The following RASEF variants were observed in gnomAD, a reference collection of about 807,000 sequenced individuals.
The protein encoded by RASEF is RAS and EF-hand domain containing, also known as ras and EF-hand domain-containing protein.
RASEF carries 68 observed loss-of-function variants against 90.1 expected under a neutral mutation model. The ratio of observed to expected loss-of-function variants is 0.75; its 90% confidence interval spans 0.62 to 0.92. RASEF has a LOEUF of 0.92. Among genes scored for constraint, RASEF ranks in the 40% least tolerant of loss-of-function variants. RASEF has a pLI of 0.00. For synonymous variants in RASEF, 331 were observed against 345.2 expected (o/e 0.96, Z 0.46); for missense variants, 949 against 937.2 (o/e 1.01, Z -0.16).
chr9:83,007,106 A>AAAC (rs1407473061), intron 7 of RASEF, among the ~76,000 whole-genome samples: 11 of 151,526 alleles, frequency 7.3e-5, no homozygotes, highest in African/African-American at 2.7e-4. Context: ...AAAAAAAAAA[A>AAAC]AAAACTCACG....
intron 15 of RASEF, among the ~76,000 whole-genome samples, chr9:82,991,601 T>C (rs1444608430): frequency 6.6e-6 from 1 of 152,150 alleles, no homozygotes; most frequent in Non-Finnish European, 1.5e-5. Flanking sequence ...CCTTTACTCG[T>C]AAGCCCACAA....
At chr9:82,991,735 G>C (rs1828819297) in intron 15 of RASEF, among the ~76,000 whole-genome samples, 1 of 152,204 alleles carries the variant, frequency 6.6e-6, no homozygotes, top group Non-Finnish European at 1.5e-5. Flanking sequence ...TGAGGATGCA[G>C]GACTGTGGAG....
At chr9:83,098,413 G>T in the RASEF span, among the ~76,000 whole-genome samples, 1 of 152,264 alleles carries the variant, frequency 6.6e-6, no homozygotes, top group African/African-American at 2.4e-5. Flanking sequence ...ACGATTTTAT[G>T]TGATTTTTCT....
chr9:83,073,284 C>A, the RASEF span, among the ~76,000 whole-genome samples: 1 of 152,016 alleles, frequency 6.6e-6, no homozygotes, highest in African/African-American at 2.4e-5. Flanking sequence ...AGAATAAATA[C>A]CCCAACTCAC....
chr9:83,076,182 T>C, the RASEF span, among the ~76,000 whole-genome samples: 1 of 144,420 alleles, frequency 6.9e-6, no homozygotes, highest in Non-Finnish European at 1.5e-5. Flanking sequence ...AAAAAAAAAA[T>C]CTAAAGCCAC....
chr9:83,112,836 G>GT, the RASEF span, among the ~76,000 whole-genome samples: 7 of 151,556 alleles, frequency 4.6e-5, no homozygotes, highest in South Asian at 2.1e-4. Context: ...TTTGTTTTTT[G>GT]TTTTTTTAAT....
intron 1 of RASEF, among the ~76,000 whole-genome samples, chr9:83,058,765 G>A (rs1005310631): frequency 6.6e-6 from 1 of 152,118 alleles, no homozygotes; most frequent in African/African-American, 2.4e-5. Flanking sequence ...AGTTTAATAA[G>A]GTAAGCCGTT....
At chr9:83,138,986 G>A in the RASEF span, among the ~76,000 whole-genome samples, 2 of 152,070 alleles carry the variant, frequency 1.3e-5, no homozygotes, top group Non-Finnish European at 2.9e-5. Context: ...TACAGTTTCT[G>A]CTTTGGGAGC....
intron 4 of RASEF, among the ~76,000 whole-genome samples, chr9:83,013,281 G>A (rs984806230): frequency 2.0e-5 from 3 of 152,232 alleles, no homozygotes; most frequent in African/African-American, 7.2e-5. Flanking sequence ...GGATCTGTTG[G>A]TATTCATTAT....
the RASEF span, among the ~76,000 whole-genome samples, chr9:83,079,255 T>C: frequency 6.6e-6 from 1 of 152,156 alleles, no homozygotes; most frequent in Non-Finnish European, 1.5e-5. Flanking sequence ...GGTCCAGCTT[T>C]AATCTTCTGC....
chr9:83,187,378 C>T, the RASEF span, among the ~76,000 whole-genome samples: 11 of 152,132 alleles, frequency 7.2e-5, no homozygotes, highest in African/African-American at 2.7e-4. Flanking sequence ...TGCCCTTTTG[C>T]TCTTCCCTGC....
chr9:83,148,587 G>T, the RASEF span, among the ~76,000 whole-genome samples: 3 of 152,260 alleles, frequency 2.0e-5, no homozygotes, highest in Middle Eastern at 3.4e-3. Context: ...CTTGATCTCA[G>T]ATTTAGCCCC....
chr9:82,984,149 AG>A (rs1207301380), intron 16 of RASEF, among the ~76,000 whole-genome samples: 1 of 152,248 alleles, frequency 6.6e-6, no homozygotes, highest in Non-Finnish European at 1.5e-5. Flanking sequence ...TGAATTATTT[AG>A]TAGCCAGATT....
chr9:83,000,404 T>C (rs1225653918), intron 11 of RASEF, 29 bp downstream of exon 11: 29 of 1,612,032 alleles, frequency 1.8e-5, no homozygotes, highest in Non-Finnish European at 2.4e-5. Context: ...GCAGTGTTCA[T>C]GAATAGGAGT....
chr9:83,063,425 A>AG (rs1830253674), upstream of RASEF, among the ~76,000 whole-genome samples: 1 of 152,222 alleles, frequency 6.6e-6, no homozygotes, highest in Non-Finnish European at 1.5e-5. Context: ...TAAGGTAGGT[A>AG]GGGGTAGGAT....
chr9:83,078,439 G>A, the RASEF span, among the ~76,000 whole-genome samples: 2 of 152,170 alleles, frequency 1.3e-5, no homozygotes, highest in African/African-American at 4.8e-5. Flanking sequence ...GGCCGAGGCG[G>A]GTGGATCACC....
At chr9:83,129,546 T>C in the RASEF span, among the ~76,000 whole-genome samples, 1 of 152,238 alleles carries the variant, frequency 6.6e-6, no homozygotes, top group African/African-American at 2.4e-5. Flanking sequence ...ATTGCACTCT[T>C]CCTGTTTCAG....
intron 5 of RASEF, among the ~76,000 whole-genome samples, chr9:83,010,004 A>G (rs1031497879): frequency 6.6e-6 from 1 of 152,206 alleles, no homozygotes; most frequent in African/African-American, 2.4e-5. Context: ...ACACCAAACT[A>G]CAACAGTCAA....
intron 15 of RASEF, 138 bp downstream of exon 15, chr9:82,992,768 G>T: frequency 2.4e-6 from 2 of 829,028 alleles, no homozygotes; most frequent in South Asian, 1.7e-5. Flanking sequence ...TTTTGCCTGT[G>T]TTAAGGACAG....
Sources: gnomAD v4.1 joint callset for allele counts (sites outside exome capture counted in the v4.1 genomes callset) on GRCh38, gnomAD v4.1.1 for gene constraint, MANE v1.5 for transcripts, NCBI Gene and HGNC (gene_info 2026-07-23, HGNC 2026-07-21) for gene names.